The following SOX5 variants were observed in gnomAD, a reference collection of about 807,000 sequenced individuals.
SOX5 encodes transcription factor SOX-5.
Under a neutral mutation model 92.0 loss-of-function variants are expected in SOX5, and 9 were observed. That is an observed-to-expected ratio of 0.10 (90% confidence interval 0.06 to 0.17). SOX5 has a LOEUF of 0.17. Ranked by LOEUF, SOX5 falls within the 10% of genes least tolerant of loss-of-function variation. The pLI is 1.00. For missense variants in SOX5, 642 were observed against 944.5 expected, an observed-to-expected ratio of 0.68 and a Z score of 4.20; for synonymous variants, 344 against 336.3, an observed-to-expected ratio of 1.02 and a Z score of -0.25.
intron 2 of SOX5, among the ~76,000 whole-genome samples, chr12:24,313,225 C>A (rs1464190872): frequency 6.6e-6 from 1 of 152,078 alleles, no homozygotes; most frequent in African/African-American, 2.4e-5. Context: ...CTGTGAATGT[C>A]TCTGATTTCT....
intron 3 of SOX5, among the ~76,000 whole-genome samples, chr12:24,247,645 C>CTTTTTTTTTTTTTTTTTTTTTTTTTTTTG: frequency 1.3e-5 from 1 of 75,584 alleles, no homozygotes; most frequent in Non-Finnish European, 2.7e-5. Context: ...TATTTATTTA[C>CTTTTTTTTTTTTTTTTTTTTTTTTTTTTG]TTTTTTTTTT....
At chr12:23,615,023 C>T (rs146502155) in intron 8 of SOX5, among the ~76,000 whole-genome samples, 79 of 151,980 alleles carry the variant, frequency 5.2e-4, no homozygotes, top group Admixed American at 1.3e-3. Flanking sequence ...AGGATGTTCT[C>T]GAACTCCTGA....
chr12:24,248,331 C>A (rs183107591), intron 3 of SOX5, among the ~76,000 whole-genome samples: 2 of 152,312 alleles, frequency 1.3e-5, no homozygotes, highest in Admixed American at 1.3e-4. Flanking sequence ...AGATTATAGT[C>A]TTCAGGAAGC....
chr12:24,407,665 T>C (rs1395763783), intron 1 of SOX5: 1 of 152,238 alleles, frequency 6.6e-6, no homozygotes, highest in African/African-American at 2.4e-5. Context: ...GAAATATCAC[T>C]GGATTGCAAT....
At chr12:24,482,163 G>A (rs1205209284) in intron 1 of SOX5, among the ~76,000 whole-genome samples, 1 of 152,168 alleles carries the variant, frequency 6.6e-6, no homozygotes, top group Non-Finnish European at 1.5e-5. Context: ...AGTAGCTAGT[G>A]CTGCCATTTA....
intron 4 of SOX5, among the ~76,000 whole-genome samples, chr12:24,086,508 G>A (rs540751497): frequency 6.6e-6 from 1 of 151,954 alleles, no homozygotes; most frequent in South Asian, 2.1e-4. Flanking sequence ...GGGAGAGAAT[G>A]AGAAAGAGTA....
At chr12:24,189,638 C>A (rs1565619605) in intron 4 of SOX5, among the ~76,000 whole-genome samples, 1 of 152,122 alleles carries the variant, frequency 6.6e-6, no homozygotes, top group African/African-American at 2.4e-5. Context: ...TAGCAAGGCC[C>A]ACAATTCCAT....
intron 4 of SOX5, among the ~76,000 whole-genome samples, chr12:24,097,910 A>G (rs1322736654): frequency 1.3e-5 from 2 of 152,154 alleles, no homozygotes; most frequent in African/African-American, 4.8e-5. Flanking sequence ...TTTTAAGCAT[A>G]TATGTACTTC....
intron 11 of SOX5, 113 bp downstream of exon 11, chr12:23,563,145 G>A: frequency 1.1e-6 from 1 of 874,976 alleles, no homozygotes. Flanking sequence ...AGGGAGAAAA[G>A]GGACAGAGAA....
At chr12:24,465,773 C>T (rs926621827) in intron 1 of SOX5, among the ~76,000 whole-genome samples, 1 of 152,172 alleles carries the variant, frequency 6.6e-6, no homozygotes, top group African/African-American at 2.4e-5. Flanking sequence ...ACTCAAACTT[C>T]TGGTAAAAAC....
chr12:24,250,485 T>C (rs1331663364), intron 3 of SOX5, among the ~76,000 whole-genome samples: 2 of 152,198 alleles, frequency 1.3e-5, no homozygotes, highest in East Asian at 3.8e-4. Flanking sequence ...AAAATGACAC[T>C]GCAGTTGTCC....
At chr12:24,488,115 T>C (rs1380932729) in intron 1 of SOX5, among the ~76,000 whole-genome samples, 1 of 152,094 alleles carries the variant, frequency 6.6e-6, no homozygotes, top group African/African-American at 2.4e-5. Context: ...GAGAAAAAAA[T>C]GCTGACAGTT....
chr12:24,209,209 G>A (rs931603598), intron 4 of SOX5, among the ~76,000 whole-genome samples: 1 of 152,184 alleles, frequency 6.6e-6, no homozygotes, highest in Non-Finnish European at 1.5e-5. Flanking sequence ...AGCATAGGTG[G>A]AGGAACTAAC....
intron 2 of SOX5, among the ~76,000 whole-genome samples, chr12:23,879,929 C>T (rs2096968902): frequency 3.3e-5 from 5 of 152,070 alleles, no homozygotes; most frequent in Non-Finnish European, 7.4e-5. Context: ...CTACTTCCAG[C>T]ATGGCAGCCT....
intron 1 of SOX5, among the ~76,000 whole-genome samples, chr12:24,517,441 G>A (rs1338655130): frequency 1.3e-5 from 2 of 152,108 alleles, no homozygotes; most frequent in African/African-American, 2.4e-5. Flanking sequence ...AGGGGTCATG[G>A]GGGCAGGAAA....
At chr12:23,900,785 C>T (rs986006634) in intron 1 of SOX5, among the ~76,000 whole-genome samples, 1 of 152,034 alleles carries the variant, frequency 6.6e-6, no homozygotes, top group African/African-American at 2.4e-5. Flanking sequence ...CATGGTGAAA[C>T]CCCATCTCTA....
chr12:23,861,717 C>G (rs2096759192), intron 2 of SOX5, among the ~76,000 whole-genome samples: 1 of 152,118 alleles, frequency 6.6e-6, no homozygotes, highest in Admixed American at 6.6e-5. Context: ...TTTAAAGAGT[C>G]ATTTTCTTTA....
At chr12:23,718,701 T>G (rs2092646545) in intron 6 of SOX5, among the ~76,000 whole-genome samples, 3 of 152,234 alleles carry the variant, frequency 2.0e-5, no homozygotes. Context: ...TTGAAAAGTT[T>G]TGTTATTTCA....
chr12:24,290,674 A>G (rs1409094636), intron 2 of SOX5, among the ~76,000 whole-genome samples: 2 of 152,134 alleles, frequency 1.3e-5, no homozygotes, highest in Non-Finnish European at 2.9e-5. Context: ...GTATAAAGGC[A>G]TGGTCCCTGC....
Sources: allele counts gnomAD v4.1 joint callset (sites outside exome capture counted in the v4.1 genomes callset), GRCh38; gene constraint gnomAD v4.1.1; transcripts MANE v1.5; gene names NCBI Gene and HGNC (gene_info 2026-07-23, HGNC 2026-07-21).